NOS1AP: variants seen among roughly 807,000 people sequenced by gnomAD.
NOS1AP encodes the protein nitric oxide synthase 1 adaptor protein.
A neutral mutation model predicts 56.2 loss-of-function variants in NOS1AP; 21 were observed. That is an observed-to-expected ratio of 0.37 (90% confidence interval 0.26 to 0.54). The LOEUF is 0.54. Ranked by LOEUF, NOS1AP falls within the 20% of genes least tolerant of loss-of-function variation. The pLI is 0.84. For missense variants in NOS1AP, 522 were observed against 657.8 expected (o/e 0.79, Z 2.26); for synonymous variants, 270 against 274.6 (o/e 0.98, Z 0.17).
intron 2 of NOS1AP, among the ~76,000 whole-genome samples, chr1:162,278,673 G>A (rs1212812981): frequency 2.1e-5 from 2 of 96,944 alleles, no homozygotes; most frequent in Non-Finnish European, 4.0e-5. Context: ...ACGTGTGTGT[G>A]TGTGTGTGTG....
At chr1:162,330,411 G>A (rs1239406231) in intron 4 of NOS1AP, among the ~76,000 whole-genome samples, 1 of 152,184 alleles carries the variant, frequency 6.6e-6, no homozygotes, top group East Asian at 1.9e-4. Flanking sequence ...TGGCAACGTT[G>A]AGCCCCAGGG....
At chr1:162,081,720 A>G (rs1308126620) in intron 1 of NOS1AP, among the ~76,000 whole-genome samples, 1 of 133,382 alleles carries the variant, frequency 7.5e-6, no homozygotes, top group African/African-American at 2.7e-5. Context: ...GCTAAGTTTC[A>G]TATCTATATC....
At chr1:162,245,197 C>G (rs1653623288) in intron 2 of NOS1AP, among the ~76,000 whole-genome samples, 1 of 152,074 alleles carries the variant, frequency 6.6e-6, no homozygotes. Context: ...GAAAACAACC[C>G]AATTTTAAAA....
chr1:162,246,217 A>T (rs1653657696), intron 2 of NOS1AP, among the ~76,000 whole-genome samples: 1 of 152,168 alleles, frequency 6.6e-6, no homozygotes, highest in South Asian at 2.1e-4. Context: ...CCTTTTTTTT[A>T]AATCTCCTAG....
At chr1:162,317,629 C>T (rs1656273076) in intron 4 of NOS1AP, 1 of 152,184 alleles carries the variant, frequency 6.6e-6, no homozygotes. Context: ...GCCTCCCCAC[C>T]CTTCCAGCCC....
intron 1 of NOS1AP, among the ~76,000 whole-genome samples, chr1:162,088,206 C>G (rs756590681): frequency 3.3e-5 from 5 of 152,106 alleles, no homozygotes; most frequent in Admixed American, 6.6e-5. Flanking sequence ...GGCTTAAAAG[C>G]CGGCATTGTT....
intron 2 of NOS1AP, among the ~76,000 whole-genome samples, chr1:162,184,782 T>C (rs1651372649): frequency 6.6e-6 from 1 of 152,224 alleles, no homozygotes; most frequent in Non-Finnish European, 1.5e-5. Context: ...GAAAGTTAGA[T>C]TAAATCCAAG....
chr1:162,185,515 A>G (rs1651404818), intron 2 of NOS1AP, among the ~76,000 whole-genome samples: 1 of 152,192 alleles, frequency 6.6e-6, no homozygotes, highest in African/African-American at 2.4e-5. Context: ...ACAGCCAGTT[A>G]TGCAAAGGAC....
At chr1:162,318,691 C>T (rs750311672) in intron 4 of NOS1AP, among the ~76,000 whole-genome samples, 5 of 151,978 alleles carry the variant, frequency 3.3e-5, no homozygotes, top group Non-Finnish European at 5.9e-5. Context: ...TTTCCTATGG[C>T]TTCAACCACC....
At chr1:162,153,138 T>C (rs2102093399) in intron 1 of NOS1AP, among the ~76,000 whole-genome samples, 1 of 152,302 alleles carries the variant, frequency 6.6e-6, no homozygotes, top group South Asian at 2.1e-4. Context: ...TTTTTAATTT[T>C]TACTTTTTGA....
rs1657383504 is a variant in NOS1AP at position 162,348,692 on chromosome 1, C to G, written c.595+4716C>G. ...GAGCACTGAGTCTCTGCAAGGAGAT[C>G]AAGCATGGGCTGGATATGTTAAATA... is the stretch of plus-strand genomic sequence containing the variant. On this transcript the variant is annotated intron_variant, in intron 6 of 9. Coordinates refer to ENST00000361897, the MANE Select transcript of NOS1AP (RefSeq NM_014697.3). Among the ~76,000 whole-genome samples, 3 of 152,178 alleles carry G rather than the reference C, an allele frequency of 2.0e-5. No homozygotes were observed. The South Asian group carries it at 6.2e-4, about 31-fold the overall frequency.
chr1:162,167,835 C>T (rs1032560932), intron 2 of NOS1AP, among the ~76,000 whole-genome samples: 3 of 152,158 alleles, frequency 2.0e-5, no homozygotes, highest in Admixed American at 6.5e-5. Context: ...TTGCTCCGGG[C>T]ATATGTTACT....
At chr1:162,230,571 C>G (rs1270514939) in intron 2 of NOS1AP, among the ~76,000 whole-genome samples, 1 of 152,204 alleles carries the variant, frequency 6.6e-6, no homozygotes, top group East Asian at 1.9e-4. Flanking sequence ...AGGTACAGTT[C>G]AGTAGTTGTG....
chr1:162,242,698 A>C (rs1284424003), intron 2 of NOS1AP, among the ~76,000 whole-genome samples: 1 of 152,192 alleles, frequency 6.6e-6, no homozygotes, highest in Non-Finnish European at 1.5e-5. Flanking sequence ...TTACAGATGT[A>C]ATTTGTTATA....
At chr1:162,364,225 A>C in intron 8 of NOS1AP, 1 of 985,108 alleles carries the variant, frequency 1.0e-6, no homozygotes. Context: ...TCCTCGTCCC[A>C]CCTCTCCTGC....
intron 1 of NOS1AP, among the ~76,000 whole-genome samples, chr1:162,152,171 T>G (rs535820370): frequency 1.8e-4 from 28 of 152,258 alleles, no homozygotes; most frequent in African/African-American, 6.5e-4. Flanking sequence ...TCTGGGTATT[T>G]GTGTTTAGGC....
chr1:162,321,446 A>G (rs1656409351), intron 4 of NOS1AP, among the ~76,000 whole-genome samples: 1 of 152,190 alleles, frequency 6.6e-6, no homozygotes, highest in Admixed American at 6.5e-5. Flanking sequence ...GGAAACCATC[A>G]TTCTGAGCAA....
chr1:162,077,178 G>A lies in NOS1AP; in HGVS notation c.105+6896G>A, dbSNP rs139375293. 2.8e-3 allele frequency among the ~76,000 whole-genome samples: 427 copies of A among 152,206 alleles called. 4 individuals carry two copies. The highest frequency in any genetic ancestry group is 9.8e-3 in the African/African-American group (408 of 41,522). On this transcript the variant is annotated intron_variant, in intron 1 of 9. Coordinates refer to ENST00000361897, the MANE Select transcript of NOS1AP (RefSeq NM_014697.3). Reference sequence around the variant, plus strand: ...GTGGGACTTCCAATGTGGCTGCATCGTTTTACCTTTCCACCAGCAGTGTGT... The same window carrying A: ...GTGGGACTTCCAATGTGGCTGCATCATTTTACCTTTCCACCAGCAGTGTGT...
intron 2 of NOS1AP, among the ~76,000 whole-genome samples, chr1:162,179,279 C>CT (rs1408920198): frequency 2.0e-5 from 3 of 152,100 alleles, no homozygotes; most frequent in African/African-American, 4.8e-5. Flanking sequence ...AACGATTCTT[C>CT]TTTTAGAGGT....
Sources: allele counts gnomAD v4.1 joint callset (sites outside exome capture counted in the v4.1 genomes callset), GRCh38; gene constraint gnomAD v4.1.1; transcripts MANE v1.5; gene names NCBI Gene and HGNC (gene_info 2026-07-23, HGNC 2026-07-21).